Variants in HSD3B2 observed in about 807,000 individuals in gnomAD.
HSD3B2 encodes hydroxy-delta-5-steroid dehydrogenase, 3 beta- and steroid delta-isomerase 2.
HSD3B2 carries 8 observed loss-of-function variants against 9.9 expected under a neutral mutation model. The ratio of observed to expected loss-of-function variants is 0.81; its 90% CI spans 0.47 to 1.46. The LOEUF (loss-of-function observed/expected upper bound fraction) is 1.46. HSD3B2 is among the 40% of genes most tolerant of loss of function. The pLI, the probability that HSD3B2 is intolerant of heterozygous loss-of-function variation, is 0.00. For missense variants in HSD3B2, 410 were observed against 448.3 expected (o/e 0.91, Z 0.77); for synonymous variants, 221 against 184.5 (o/e 1.20, Z -1.60).
At chr1:119,420,928 C>T (rs1170177419) in intron 3 of HSD3B2, among the ~76,000 whole-genome samples, 1 of 152,096 alleles carries the variant, frequency 6.6e-6, no homozygotes, top group Non-Finnish European at 1.5e-5. Context: ...TTTATCACCC[C>T]CACTTTATAT....
rs1355187380 is a variant in HSD3B2, at chr1:119,422,206, C to T, written c.705C>T (p.Ala235=). ...VGNVAWAHIL[A]LRALRDPKKA... Reference sequence around the variant, plus strand: ...ACGTGGCCTGGGCCCACATTCTGGCCTTGAGGGCTCTGCGGGACCCCAAGA... The same window carrying T: ...ACGTGGCCTGGGCCCACATTCTGGCTTTGAGGGCTCTGCGGGACCCCAAGA... The change falls in exon 4 of 4, where the codon GCC becomes GCT. Residue 235 remains alanine, a synonymous_variant. Transcript: ENST00000369416. The T allele has an allele frequency of 6.2e-7, 1 of 1,614,102 alleles. No individual in the cohort carries two copies. The highest frequency in any genetic ancestry group is 1.1e-5 in the South Asian group (1 of 91,086).
At chr1:119,418,292 G>T (rs1466593777) in intron 2 of HSD3B2, among the ~76,000 whole-genome samples, 3 of 152,166 alleles carry the variant, frequency 2.0e-5, no homozygotes, top group Non-Finnish European at 2.9e-5. Context: ...AAGCCCATCT[G>T]CAATTCCTGA....
intron 2 of HSD3B2, 83 bp from the exon 3 acceptor site, chr1:119,419,335 C>A: frequency 7.7e-7 from 1 of 1,296,614 alleles, no homozygotes; most frequent in Non-Finnish European, 1.1e-6. Flanking sequence ...TCTCTTTGAG[C>A]ACCTATGTAA....
intron 2 of HSD3B2, among the ~76,000 whole-genome samples, chr1:119,418,677 G>T (rs992414141): frequency 3.4e-5 from 5 of 149,196 alleles, no homozygotes; most frequent in Non-Finnish European, 5.9e-5. Context: ...TTTGAGACAG[G>T]GTCTTTCTCT....
In HSD3B2 at chr1:119,421,633, G is replaced by A. The variant is rs587689014; in HGVS notation, c.308-176G>A. ...AATGTCAGTTTCTTTTTATTTTTGT[G>A]TTTTTCCTACGGCTGTATCATGACC... On this transcript the variant is annotated intron_variant, in intron 3 of 3. Transcript: ENST00000369416. 6.0e-5 allele frequency among the ~76,000 whole-genome samples: 9 copies of A among 151,222 alleles called. 1 individual carries two copies. In the Middle Eastern group the frequency reaches 0.017, roughly 288 times the overall value.
intron 3 of HSD3B2, 87 bp from the exon 4 acceptor site, chr1:119,421,722 T>C (rs1651881282): frequency 7.0e-6 from 10 of 1,419,532 alleles, no homozygotes; most frequent in Non-Finnish European, 9.9e-6. Flanking sequence ...CACTTGGGAG[T>C]GGGGAGTGGG....
chr1:119,422,333 C>A lies in HSD3B2; in HGVS notation c.832C>A (p.Arg278Ser). The A allele has an allele frequency of 6.2e-7, 1 of 1,614,136 alleles. No homozygotes were observed. Among genetic ancestry groups the A allele is most frequent in the Non-Finnish European group, 8.5e-7 (1 of 1,179,998 alleles). ...NYILSKEFGL[R>S]LDSRWSLPLT... ...CATCCTGAGCAAAGAGTTTGGCCTC[C>A]GCCTTGATTCCAGATGGAGCCTTCC... The change falls in exon 4 of 4, where the codon CGC (arginine) becomes AGC (serine). Residue 278 changes from arginine to serine, a missense_variant. Transcript: ENST00000369416.
Position 119,422,100 on chromosome 1 carries a change from G to C in HSD3B2, c.599G>C (p.Ser200Thr). The change falls in exon 4 of 4, where the codon AGT becomes ACT. Residue 200 changes from serine to threonine, a missense_variant. Coordinates refer to ENST00000369416, the MANE Select transcript of HSD3B2 (RefSeq NM_000198.4). ...GAAGGAGGCCCATTCCTTTCTGCCA[G>C]TATAAATGAGGCCCTGAACAACAAT... ...YGEGGPFLSA[S>T]INEALNNNGI... 1.2e-6 allele frequency: 2 copies of C among 1,614,096 alleles called. No homozygotes were observed. Among genetic ancestry groups the C allele is most frequent in the South Asian group, 2.2e-5 (2 of 91,074 alleles).
chr1:119,415,500 A>G lies in HSD3B2; in HGVS notation c.81A>G (p.Glu27=). The G allele has an allele frequency of 6.2e-7, 1 of 1,613,926 alleles. No individual in the cohort carries two copies. Among genetic ancestry groups the G allele is most frequent in the Non-Finnish European group, 8.5e-7 (1 of 1,179,872 alleles). ...TCCGCCTGTTGGTGGAAGAGAAGGA[A>G]CTGAAGGAGATCAGGGCCTTGGACA... The part of the protein sequence containing the change: ...RIVRLLVEEK[E]LKEIRALDKA... The change falls in exon 2 of 4, where the codon GAA becomes GAG. Residue 27 remains glutamate (E), a synonymous_variant. Transcript: ENST00000369416.
chr1:119,416,458 C>T (rs1445030023), intron 2 of HSD3B2, among the ~76,000 whole-genome samples: 1 of 152,180 alleles, frequency 6.6e-6, no homozygotes, highest in Non-Finnish European at 1.5e-5. Context: ...CCATCAAGTT[C>T]CAGAAACATA....
chr1:119,419,527 C>T lies in HSD3B2; in HGVS notation c.252C>T (p.Ile84=), dbSNP rs865900534. 1.9e-6 allele frequency: 3 copies of T among 1,613,704 alleles called. No individual in the cohort carries two copies. Residue 84 remains isoleucine, a synonymous_variant, in exon 3 of 4, where the codon ATC becomes ATT. Transcript: ENST00000369416. ...DVSVVIHTAC[I]IDVFGVTHRE... Reference sequence around the variant, plus strand: ...CGGTCGTCATCCACACCGCCTGTATCATTGATGTCTTTGGTGTCACTCACA... The same window carrying T: ...CGGTCGTCATCCACACCGCCTGTATTATTGATGTCTTTGGTGTCACTCACA...
rs200212806 is a variant in HSD3B2, at chr1:119,422,221, G to A, written c.720G>A (p.Arg240=). The change falls in exon 4 of 4, where the codon CGG becomes CGA. Residue 240 remains arginine (R), a synonymous_variant. Coordinates refer to ENST00000369416, the MANE Select transcript of HSD3B2 (RefSeq NM_000198.4). The part of the protein sequence containing the change: ...WAHILALRAL[R]DPKKAPSVRG... ...ACATTCTGGCCTTGAGGGCTCTGCG[G>A]GACCCCAAGAAGGCCCCAAGTGTCC... 6.8e-6 allele frequency: 11 copies of A among 1,613,932 alleles called. No homozygotes were observed. In the Middle Eastern group the frequency reaches 4.9e-4, roughly 72 times the overall value.
intron 3 of HSD3B2, among the ~76,000 whole-genome samples, chr1:119,421,441 G>T (rs1039388585): frequency 0.23 from 3,721 of 16,398 alleles, 266 homozygotes; most frequent in African/African-American, 0.45. Flanking sequence ...ATATATATAT[G>T]TATATATATA....
chr1:119,420,953 G>C (rs1467227927), intron 3 of HSD3B2, among the ~76,000 whole-genome samples: 2 of 152,136 alleles, frequency 1.3e-5, no homozygotes, highest in Non-Finnish European at 1.5e-5. Context: ...GGGTAACAGA[G>C]TCATAGCCAG....
chr1:119,415,306 T>A, intron 1 of HSD3B2, 25 bp from the exon 2 acceptor site: 1 of 1,125,964 alleles, frequency 8.9e-7, no homozygotes, highest in South Asian at 1.3e-5. Context: ...GCTGAGTGTA[T>A]AACCATTTTA....
At position 119,422,041 on chromosome 1, in the gene HSD3B2, C is replaced by G; in HGVS notation, c.540C>G (p.Tyr180Ter). The change falls in exon 4 of 4, where the codon TAC becomes TAG. Residue 180 changes from tyrosine to a stop codon, truncating the protein, a stop_gained. Coordinates refer to ENST00000369416, the MANE Select transcript of HSD3B2 (RefSeq NM_000198.4). LOFTEE classifies it low-confidence loss of function (END_TRUNC). ...ATCTAAAAAATGGTGATACCTTGTA[C>G]ACTTGTGCGTTAAGACCCACATATA... Reference protein sequence around the residue: ...GWNLKNGDTLYTCALRPTYIY... With the variant: ...GWNLKNGDTL 6.2e-7 allele frequency: 1 copy of G among 1,614,126 alleles called. No individual in the cohort carries two copies. The highest frequency in any genetic ancestry group is 8.5e-7 in the Non-Finnish European group (1 of 1,179,990).
At chr1:119,419,975 G>A in intron 3 of HSD3B2, 1 of 316,936 alleles carries the variant, frequency 3.2e-6, no homozygotes, top group South Asian at 3.0e-5. Flanking sequence ...GACCTTCCAG[G>A]TGCCACCATA....
Position 119,421,901 on chromosome 1 carries a change from A to C in HSD3B2, c.400A>C (p.Lys134Gln). ...SIEVAGPNSY[K>Q]EIIQNGHEEE... ...AGAGGTAGCCGGGCCCAACTCCTAC[A>C]AGGAAATCATCCAGAACGGCCACGA... is the stretch of plus-strand genomic sequence containing the variant. The change falls in exon 4 of 4, where the codon AAG becomes CAG. Residue 134 changes from lysine to glutamine, a missense_variant. By Grantham distance (53) the Lys-to-Gln change is moderately conservative. Transcript: ENST00000369416. 6.2e-7 allele frequency: 1 copy of C among 1,614,004 alleles called. No individual in the cohort carries two copies. The highest frequency in any genetic ancestry group is 8.5e-7 in the Non-Finnish European group (1 of 1,179,974).
chr1:119,420,443 A>G (rs1209086788), intron 3 of HSD3B2, among the ~76,000 whole-genome samples: 1 of 152,156 alleles, frequency 6.6e-6, no homozygotes, highest in Non-Finnish European at 1.5e-5. Context: ...AAACCTTTCC[A>G]GTTTCTACAT....
Sources: allele counts gnomAD v4.1 joint callset (sites outside exome capture counted in the v4.1 genomes callset), GRCh38; gene constraint gnomAD v4.1.1; transcripts MANE v1.5; gene names NCBI Gene and HGNC (gene_info 2026-07-23, HGNC 2026-07-21).